The following ANK1 variants were observed in gnomAD, a reference collection of about 807,000 sequenced individuals.
ANK1 encodes the protein ankyrin 1.
Under a neutral mutation model 210.4 loss-of-function variants are expected in ANK1, and 51 were observed. That is an observed-to-expected ratio of 0.24 (90% CI 0.19 to 0.31). The LOEUF is 0.31. Among genes scored for constraint, ANK1 ranks in the 10% least tolerant of loss-of-function variants. ANK1 has a pLI of 1.00. For synonymous variants in ANK1, 967 were observed against 1,025.9 expected (o/e 0.94, Z 1.10); for missense variants, 2,051 against 2,504.4 (o/e 0.82, Z 3.86).
intron 1 of ANK1, among the ~76,000 whole-genome samples, chr8:41,872,194 A>T (rs1273190059): frequency 6.6e-6 from 1 of 152,194 alleles, no homozygotes; most frequent in Non-Finnish European, 1.5e-5. Context: ...AGAGGAGAGG[A>T]GCCGACCCCC....
At chr8:41,679,716 T>C (rs1480809045) in intron 37 of ANK1, among the ~76,000 whole-genome samples, 2 of 150,536 alleles carry the variant, frequency 1.3e-5, no homozygotes, top group Non-Finnish European at 3.0e-5. Flanking sequence ...GCGCCCACCA[T>C]CACGCCAGGC....
At chr8:41,820,237 G>A (rs527284690) in intron 1 of ANK1, among the ~76,000 whole-genome samples, 1 of 151,196 alleles carries the variant, frequency 6.6e-6, no homozygotes, top group Non-Finnish European at 1.5e-5. Flanking sequence ...ATTGCTTACT[G>A]CAGCCTCAAA....
intron 2 of ANK1, among the ~76,000 whole-genome samples, chr8:41,748,123 C>G (rs956379374): frequency 6.6e-6 from 1 of 152,070 alleles, no homozygotes; most frequent in Non-Finnish European, 1.5e-5. Flanking sequence ...GTACCAGGTG[C>G]CAGGCATAGG....
chr8:41,866,283 G>A (rs889482910), intron 1 of ANK1, among the ~76,000 whole-genome samples: 1 of 152,178 alleles, frequency 6.6e-6, no homozygotes, highest in African/African-American at 2.4e-5. Context: ...TTGATCACCT[G>A]GGCTCAAGCG....
intron 2 of ANK1, among the ~76,000 whole-genome samples, chr8:41,756,439 C>T (rs186933292): frequency 2.2e-4 from 33 of 149,494 alleles, no homozygotes; most frequent in East Asian, 8.1e-4. Flanking sequence ...CCACCGCGCC[C>T]GGTCTATTTT....
chr8:41,885,037 G>C (rs766576653), intron 1 of ANK1, among the ~76,000 whole-genome samples: 1 of 151,850 alleles, frequency 6.6e-6, no homozygotes, highest in Non-Finnish European at 1.5e-5. Flanking sequence ...TTTCGGAAGG[G>C]AAGTGACAAC....
chr8:41,684,352 A>G, intron 37 of ANK1, 192 bp downstream of exon 37: 1 of 924,494 alleles, frequency 1.1e-6, no homozygotes, highest in South Asian at 1.5e-5. Context: ...CCTGCACAGG[A>G]GCAGCCATCT....
intron 3 of ANK1, among the ~76,000 whole-genome samples, chr8:41,732,454 C>A (rs1832402574): frequency 6.6e-6 from 1 of 152,122 alleles, no homozygotes; most frequent in Non-Finnish European, 1.5e-5. Flanking sequence ...TCTCTGTCAC[C>A]CAGGCTGGAG....
chr8:41,743,587 C>T (rs1043426185), intron 2 of ANK1, among the ~76,000 whole-genome samples: 5 of 152,090 alleles, frequency 3.3e-5, no homozygotes, highest in East Asian at 3.9e-4. Context: ...TGGGCAGCAG[C>T]GTGTCTGGGG....
At chr8:41,767,515 C>G (rs917868532) in intron 1 of ANK1, among the ~76,000 whole-genome samples, 34 of 152,282 alleles carry the variant, frequency 2.2e-4, no homozygotes, top group Non-Finnish European at 1.8e-4. Context: ...CGCCCCGGCC[C>G]GGCCCTGGCC....
chr8:41,746,471 T>C (rs1310868295), intron 2 of ANK1, among the ~76,000 whole-genome samples: 1 of 152,192 alleles, frequency 6.6e-6, no homozygotes, highest in Non-Finnish European at 1.5e-5. Context: ...TTTCTCTGTT[T>C]GCTTTGTTGC....
Position 41,888,658 on chromosome 8 carries a change from A to G in ANK1, c.126+7697T>C, listed in dbSNP as rs73626674. Among the ~76,000 whole-genome samples the G allele has an allele frequency of 5.9e-3, 906 of 152,372 alleles. 10 individuals carry two copies. The highest frequency in any genetic ancestry group is 0.021 in the African/African-American group (853 of 41,592). On this transcript the variant is annotated intron_variant, in intron 1 of 42. Transcript: ENST00000265709. ...TGTCTGCACATTATGAAGTGATTAT[A>G]TAGAGAAGATGTTGACTTGATGATG...
intron 1 of ANK1, among the ~76,000 whole-genome samples, chr8:41,807,129 C>T (rs1851086894): frequency 6.6e-6 from 1 of 152,144 alleles, no homozygotes; most frequent in Non-Finnish European, 1.5e-5. Flanking sequence ...CTATTATGTG[C>T]CAGTCATACT....
intron 29 of ANK1, among the ~76,000 whole-genome samples, chr8:41,693,572 G>C (rs888519582): frequency 6.6e-6 from 1 of 151,800 alleles, no homozygotes; most frequent in African/African-American, 2.4e-5. Context: ...GGAGTAGCTG[G>C]GCTTACAGGT....
At chr8:41,821,811 G>A (rs1047761069) in intron 1 of ANK1, among the ~76,000 whole-genome samples, 5 of 152,146 alleles carry the variant, frequency 3.3e-5, no homozygotes, top group African/African-American at 7.2e-5. Flanking sequence ...ATTTTAGGAG[G>A]CCAAGGTGAG....
intron 9 of ANK1, among the ~76,000 whole-genome samples, chr8:41,721,430 G>A (rs187262950): frequency 7.2e-5 from 11 of 152,252 alleles, no homozygotes; most frequent in Admixed American, 5.2e-4. Flanking sequence ...GCAAAGGTGG[G>A]CAGATCACTT....
rs985050521 is a variant in ANK1 at position 41,708,663 on chromosome 8, G to T, written c.1998+115C>A. 8 of 1,163,810 alleles carry T rather than the reference G, an allele frequency of 6.9e-6. No homozygotes were observed. The African/African-American group carries it at 1.1e-4, about 15-fold the overall frequency. The allele number at this position is 1,163,810 out of a possible 1,614,324, so 72.1% of individuals were successfully genotyped here. A position where few individuals can be genotyped will look rare whatever the true frequency, so the allele number is the denominator to read the frequency against. On this transcript the variant is annotated intron_variant, in intron 17 of 42. Transcript: ENST00000289734. Reference sequence around the variant, plus strand: ...TGAAATGTACGCAGGGCTGTTCCAAGGATTACACACACACACCCCTAACTC... The same window carrying T: ...TGAAATGTACGCAGGGCTGTTCCAATGATTACACACACACACCCCTAACTC...
intron 33 of ANK1, 47 bp downstream of exon 33, chr8:41,690,180 C>T (rs867473795): frequency 9.9e-6 from 16 of 1,613,488 alleles, no homozygotes; most frequent in South Asian, 2.2e-5. Context: ...GGACCTCCTA[C>T]AGGGAAGCCG....
chr8:41,770,616 A>G (rs1842802042), intron 1 of ANK1, among the ~76,000 whole-genome samples: 1 of 152,240 alleles, frequency 6.6e-6, no homozygotes, highest in African/African-American at 2.4e-5. Flanking sequence ...AATGGGAAAG[A>G]TGCTGAAGTA....
Sources: allele counts gnomAD v4.1 joint callset (sites outside exome capture counted in the v4.1 genomes callset), GRCh38; gene constraint gnomAD v4.1.1; transcripts MANE v1.5; gene names NCBI Gene and HGNC (gene_info 2026-07-23, HGNC 2026-07-21).